Variants in IQCJ observed in about 807,000 individuals in gnomAD.
IQCJ encodes the protein IQ motif containing J.
A neutral mutation model predicts 11.0 loss-of-function variants in IQCJ; 9 were observed. That is an observed-to-expected ratio of 0.82 (90% confidence interval 0.49 to 1.43). The LOEUF (loss-of-function observed/expected upper bound fraction) is 1.43. IQCJ is among the 40% of genes most tolerant of loss of function. The pLI is 0.00. For synonymous variants in IQCJ, 55 were observed against 51.3 expected, an observed-to-expected ratio of 1.07 and a Z score of -0.31; for missense variants, 146 against 133.2, an observed-to-expected ratio of 1.10 and a Z score of -0.47.
chr3:159,118,801 T>C (rs1408638128), intron 1 of IQCJ, among the ~76,000 whole-genome samples: 1 of 152,214 alleles, frequency 6.6e-6, no homozygotes, highest in Non-Finnish European at 1.5e-5. Flanking sequence ...CTCCTTATAT[T>C]GGAAACCCCT....
chr3:159,105,287 G>T (rs1718183036), intron 1 of IQCJ, among the ~76,000 whole-genome samples: 1 of 152,162 alleles, frequency 6.6e-6, no homozygotes, highest in Non-Finnish European at 1.5e-5. Context: ...CTCAAGTATG[G>T]CTTTTTCTCA....
At chr3:159,226,290 C>T (rs959760107) in intron 1 of IQCJ, among the ~76,000 whole-genome samples, 1 of 152,232 alleles carries the variant, frequency 6.6e-6, no homozygotes, top group African/African-American at 2.4e-5. Context: ...CAGCCCTCAT[C>T]ATGAAGCTAT....
intron 1 of IQCJ, among the ~76,000 whole-genome samples, chr3:159,187,350 C>T (rs1723430377): frequency 6.6e-6 from 1 of 152,212 alleles, no homozygotes; most frequent in African/African-American, 2.4e-5. Context: ...TGGAAGATAA[C>T]TTGCTTTTGA....
chr3:159,163,585 G>A (rs1448764595), intron 1 of IQCJ, among the ~76,000 whole-genome samples: 1 of 152,108 alleles, frequency 6.6e-6, no homozygotes, highest in Non-Finnish European at 1.5e-5. Context: ...GGCTGGTCTT[G>A]AACTTCTGAG....
At position 159,262,878 on chromosome 3, in the gene IQCJ, A is replaced by T; in HGVS notation, c.*147A>T. 1 of 1,402,764 alleles carries T rather than the reference A, an allele frequency of 7.1e-7. No individual in the cohort carries two copies. The highest frequency in any genetic ancestry group is 1.8e-5 in the South Asian group (1 of 54,532). 86.9% of individuals were successfully genotyped at this position (1,402,764 alleles called of 1,614,324 possible). A position where few individuals can be genotyped will look rare whatever the true frequency, so the allele number is the denominator to read the frequency against. ...AATAAAGACACAATTCATAAGCACA[A>T]AGTGAACTTTATCAAGTCTGGAGAA... On this transcript the variant is annotated 3_prime_UTR_variant, in exon 4 of 4. Coordinates refer to ENST00000397832, the MANE Select transcript of IQCJ (RefSeq NM_001042706.3).
chr3:159,126,650 T>C (rs1719693596), intron 1 of IQCJ, among the ~76,000 whole-genome samples: 1 of 152,246 alleles, frequency 6.6e-6, no homozygotes, highest in Admixed American at 6.5e-5. Flanking sequence ...TTTCAAATAA[T>C]GTTTCCTCTT....
chr3:159,205,927 C>A (rs534277099), intron 1 of IQCJ, among the ~76,000 whole-genome samples: 8 of 152,296 alleles, frequency 5.3e-5, no homozygotes, highest in Middle Eastern at 6.8e-3. Flanking sequence ...CCCTACCCAA[C>A]CCTGGACACC....
At chr3:159,262,191 T>C (rs564724553) in intron 3 of IQCJ, among the ~76,000 whole-genome samples, 2 of 152,248 alleles carry the variant, frequency 1.3e-5, no homozygotes, top group Non-Finnish European at 2.9e-5. Flanking sequence ...ATTATTCTCA[T>C]CTAAAATATA....
intron 1 of IQCJ, among the ~76,000 whole-genome samples, chr3:159,165,412 G>A (rs1179567780): frequency 6.6e-6 from 1 of 152,150 alleles, no homozygotes; most frequent in East Asian, 1.9e-4. Context: ...GGTACTATGT[G>A]CCAGAGAAAG....
chr3:159,212,851 A>T (rs925385089), intron 1 of IQCJ, among the ~76,000 whole-genome samples: 1 of 152,240 alleles, frequency 6.6e-6, no homozygotes, highest in East Asian at 1.9e-4. Flanking sequence ...CTCCTCAACC[A>T]CTAAAACCTG....
At chr3:159,136,171 A>G (rs1049316091) in intron 1 of IQCJ, among the ~76,000 whole-genome samples, 30 of 152,336 alleles carry the variant, frequency 2.0e-4, no homozygotes, top group African/African-American at 7.2e-4. Flanking sequence ...ACCTTTTATC[A>G]GAATGAAACC....
intron 1 of IQCJ, among the ~76,000 whole-genome samples, chr3:159,224,739 ACT>A (rs34871549): frequency 0.26 from 39,626 of 152,038 alleles, 5,429 homozygotes; most frequent in Middle Eastern, 0.34. Context: ...ATGAGCATAC[ACT>A]CAGTAAAATC....
At chr3:159,120,556 G>A (rs955978407) in intron 1 of IQCJ, among the ~76,000 whole-genome samples, 2 of 152,226 alleles carry the variant, frequency 1.3e-5, no homozygotes, top group African/African-American at 4.8e-5. Flanking sequence ...AAGCCCAGGA[G>A]TTTAGGAAAA....
At chr3:159,146,100 G>A (rs1305827089) in intron 1 of IQCJ, among the ~76,000 whole-genome samples, 2 of 152,238 alleles carry the variant, frequency 1.3e-5, no homozygotes, top group African/African-American at 4.8e-5. Context: ...TTGGAAAGGG[G>A]CAATTACATT....
chr3:159,179,766 C>T (rs1361850835), intron 1 of IQCJ, among the ~76,000 whole-genome samples: 1 of 152,194 alleles, frequency 6.6e-6, no homozygotes, highest in East Asian at 1.9e-4. Flanking sequence ...TACTCCACAA[C>T]AACCTTCTGA....
intron 1 of IQCJ, among the ~76,000 whole-genome samples, chr3:159,073,512 T>C (rs1715720062): frequency 6.6e-6 from 1 of 152,068 alleles, no homozygotes; most frequent in African/African-American, 2.4e-5. Flanking sequence ...TCTCAGGCAT[T>C]TTGCCTGTCT....
intron 1 of IQCJ, among the ~76,000 whole-genome samples, chr3:159,212,431 G>A (rs1725006754): frequency 6.6e-6 from 1 of 152,144 alleles, no homozygotes; most frequent in East Asian, 1.9e-4. Flanking sequence ...TTGGTACTTA[G>A]GATGAAATAT....
intron 1 of IQCJ, among the ~76,000 whole-genome samples, chr3:159,200,139 G>A (rs906001459): frequency 4.7e-5 from 5 of 106,788 alleles, no homozygotes; most frequent in Non-Finnish European, 5.4e-5. Context: ...ACAATGCCTG[G>A]CATGTATTAA....
chr3:159,085,868 G>T, intron 1 of IQCJ, among the ~76,000 whole-genome samples: 1 of 149,970 alleles, frequency 6.7e-6, no homozygotes, highest in Non-Finnish European at 1.5e-5. Flanking sequence ...TTTATAGGTT[G>T]CCTGTTCACT....
Sources: gnomAD v4.1 joint callset for allele counts (sites outside exome capture counted in the v4.1 genomes callset) on GRCh38, gnomAD v4.1.1 for gene constraint, MANE v1.5 for transcripts, NCBI Gene and HGNC (gene_info 2026-07-23, HGNC 2026-07-21) for gene names.